PEAK1: variants seen among roughly 807,000 people sequenced by gnomAD.
PEAK1 encodes pseudopodium enriched atypical kinase 1, also known as inactive tyrosine-protein kinase PEAK1.
Under a neutral mutation model 124.7 loss-of-function variants are expected in PEAK1, and 54 were observed. That is an observed-to-expected ratio of 0.43 (90% CI 0.35 to 0.54). The LOEUF is 0.54. Ranked by LOEUF, PEAK1 falls within the 20% of genes least tolerant of loss-of-function variation. The probability of loss-of-function intolerance (pLI) is 0.01; values close to 1 mark genes in which losing one functional copy is unlikely to be tolerated. For missense variants in PEAK1, 2,046 were observed against 2,134.5 expected, an observed-to-expected ratio of 0.96 and a Z score of 0.82; for synonymous variants, 719 against 760.0, an observed-to-expected ratio of 0.95 and a Z score of 0.89.
At chr15:77,236,059 C>T (rs2060107511) in intron 6 of PEAK1, among the ~76,000 whole-genome samples, 2 of 152,206 alleles carry the variant, frequency 1.3e-5, no homozygotes, top group Admixed American at 6.5e-5. Context: ...GGGCAGAGTC[C>T]TCATGAAGAA....
intron 6 of PEAK1, among the ~76,000 whole-genome samples, chr15:77,188,440 A>C (rs533462082): frequency 8.8e-4 from 134 of 152,342 alleles, no homozygotes; most frequent in Middle Eastern, 6.8e-3. Flanking sequence ...TACTACTAAT[A>C]ATAATTATTA....
At chr15:77,356,811 T>C (rs751582510) in intron 2 of PEAK1, among the ~76,000 whole-genome samples, 2 of 152,246 alleles carry the variant, frequency 1.3e-5, no homozygotes, top group African/African-American at 2.4e-5. Flanking sequence ...ATGGAATTTA[T>C]TTATTCAACA....
At chr15:77,175,301 C>T (rs1385914774) in intron 7 of PEAK1, among the ~76,000 whole-genome samples, 1 of 152,156 alleles carries the variant, frequency 6.6e-6, no homozygotes, top group Non-Finnish European at 1.5e-5. Flanking sequence ...AAACTACCAT[C>T]AGAGTGAATA....
chr15:77,319,422 C>T (rs2065064615), intron 2 of PEAK1, among the ~76,000 whole-genome samples: 1 of 151,918 alleles, frequency 6.6e-6, no homozygotes, highest in Non-Finnish European at 1.5e-5. Context: ...TCTGAAGTAA[C>T]CAAAGAGTTA....
At chr15:77,361,400 A>G (rs2067877056) in intron 2 of PEAK1, among the ~76,000 whole-genome samples, 1 of 152,144 alleles carries the variant, frequency 6.6e-6, no homozygotes, top group African/African-American at 2.4e-5. Context: ...TAATCATGCC[A>G]CTGCACTACA....
intron 1 of PEAK1, among the ~76,000 whole-genome samples, chr15:77,408,072 TACATATATAC>T (rs1195713339): frequency 5.3e-4 from 68 of 127,118 alleles, no homozygotes; most frequent in African/African-American, 1.6e-3. Context: ...TACACATATA[TACATATATAC>T]ACATATATAC....
intron 6 of PEAK1, among the ~76,000 whole-genome samples, chr15:77,234,719 T>C (rs2060042557): frequency 6.6e-6 from 1 of 152,114 alleles, no homozygotes; most frequent in Non-Finnish European, 1.5e-5. Flanking sequence ...CACTGCAGAC[T>C]TGAATTCCTG....
rs1433613080 is a variant in PEAK1 at position 77,180,383 on chromosome 15, G to A, written c.1544C>T (p.Thr515Ile). 1.2e-6 allele frequency: 2 copies of A among 1,613,988 alleles called. No individual in the cohort carries two copies. The highest frequency in any genetic ancestry group is 1.7e-6 in the Non-Finnish European group (2 of 1,180,008). The change falls in exon 7 of 10, where the codon ACA becomes ATA. Residue 515 changes from threonine to isoleucine, a missense_variant. By Grantham distance (89) the Thr-to-Ile change is moderately conservative. Transcript: ENST00000682557. ...GAAATGGGCACTTATTTGTCCTGGT[G>A]TCAATGAAGATGATGTAACTGGAGA... is the stretch of plus-strand genomic sequence containing the variant. Reference protein sequence around the residue: ...PNSPVTSSSLTPGQISAHFQK... With the variant: ...PNSPVTSSSLIPGQISAHFQK...
intron 7 of PEAK1, among the ~76,000 whole-genome samples, chr15:77,173,183 C>G (rs964299398): frequency 2.0e-5 from 3 of 152,100 alleles, no homozygotes; most frequent in Non-Finnish European, 4.4e-5. Flanking sequence ...TGTTTATGCA[C>G]CAACAATGCA....
chr15:77,175,658 C>T (rs1234031709), intron 7 of PEAK1, among the ~76,000 whole-genome samples: 2 of 152,176 alleles, frequency 1.3e-5, no homozygotes, highest in African/African-American at 2.4e-5. Context: ...GTTGGTGGGA[C>T]TGTAAACTAG....
intron 2 of PEAK1, among the ~76,000 whole-genome samples, chr15:77,310,199 A>G (rs181980318): frequency 5.9e-5 from 9 of 152,258 alleles, no homozygotes; most frequent in Non-Finnish European, 1.3e-4. Context: ...ACTTTGTGAT[A>G]TATGTTTAAA....
At chr15:77,320,103 T>G (rs986396729) in intron 2 of PEAK1, among the ~76,000 whole-genome samples, 1 of 152,204 alleles carries the variant, frequency 6.6e-6, no homozygotes, top group Non-Finnish European at 1.5e-5. Context: ...AAGATTCTCC[T>G]AGGCAGAACT....
chr15:77,242,624 G>A (rs2060409405), intron 6 of PEAK1, among the ~76,000 whole-genome samples: 1 of 152,084 alleles, frequency 6.6e-6, no homozygotes, highest in African/African-American at 2.4e-5. Context: ...CACAAAAGGG[G>A]TCTATTCTAA....
chr15:77,312,079 G>A (rs1157792118), intron 2 of PEAK1, among the ~76,000 whole-genome samples: 7 of 151,924 alleles, frequency 4.6e-5, no homozygotes, highest in East Asian at 3.8e-4. Flanking sequence ...TAAAGAAAAC[G>A]GACCAAAAAA....
At chr15:77,402,257 C>G (rs964939958) in intron 1 of PEAK1, 112 of 982,646 alleles carry the variant, frequency 1.1e-4, no homozygotes, top group Non-Finnish European at 1.4e-4. Context: ...GGAACAGAAA[C>G]AAGCAGAAGG....
chr15:77,334,280 C>T (rs1287694147), intron 2 of PEAK1: 2 of 984,888 alleles, frequency 2.0e-6, no homozygotes, highest in African/African-American at 3.5e-5. Flanking sequence ...TGGTAGATCA[C>T]TTGTGCATAA....
chr15:77,311,562 C>G (rs2064446515), intron 2 of PEAK1, among the ~76,000 whole-genome samples: 1 of 151,406 alleles, frequency 6.6e-6, no homozygotes, highest in Admixed American at 6.6e-5. Context: ...ATCCTAGCTA[C>G]TCGGGAGGCT....
intron 6 of PEAK1, among the ~76,000 whole-genome samples, chr15:77,218,692 C>T (rs187116264): frequency 1.3e-5 from 2 of 152,228 alleles, no homozygotes; most frequent in Admixed American, 6.5e-5. Context: ...AAGTGATCCT[C>T]CTGCCTCAGC....
At chr15:77,322,209 A>C (rs1436060915) in intron 2 of PEAK1, among the ~76,000 whole-genome samples, 1 of 152,212 alleles carries the variant, frequency 6.6e-6, no homozygotes, top group Non-Finnish European at 1.5e-5. Context: ...TAACATCACA[A>C]TTAAACGAAC....
Sources: gnomAD v4.1 joint callset for allele counts (sites outside exome capture counted in the v4.1 genomes callset) on GRCh38, gnomAD v4.1.1 for gene constraint, MANE v1.5 for transcripts, NCBI Gene and HGNC (gene_info 2026-07-23, HGNC 2026-07-21) for gene names.